The following PAN3 variants were observed in gnomAD, a reference collection of about 807,000 sequenced individuals.
PAN3 encodes poly(A) specific ribonuclease subunit PAN3.
Under a neutral mutation model 96.2 loss-of-function variants are expected in PAN3, and 19 were observed. The observed-to-expected ratio is 0.20, with a 90% CI of 0.14 to 0.29. The LOEUF is 0.29. Ranked by LOEUF, PAN3 falls within the 10% of genes least tolerant of loss-of-function variation. The pLI, the probability that PAN3 is intolerant of heterozygous loss-of-function variation, is 1.00. For missense variants in PAN3, 882 were observed against 1,108.1 expected (o/e 0.80, Z 2.90); for synonymous variants, 433 against 406.6 (o/e 1.06, Z -0.78).
chr13:28,176,113 T>A (rs1190827845), intron 2 of PAN3, among the ~76,000 whole-genome samples: 2 of 152,178 alleles, frequency 1.3e-5, no homozygotes, highest in Admixed American at 6.5e-5. Flanking sequence ...GTAGTACAAA[T>A]GGAGAAAGGG....
chr13:28,178,739 C>T (rs1054950471), intron 4 of PAN3, among the ~76,000 whole-genome samples: 1 of 151,982 alleles, frequency 6.6e-6, no homozygotes, highest in African/African-American at 2.4e-5. Flanking sequence ...AATATTTCAA[C>T]ATATCTCATT....
intron 4 of PAN3, among the ~76,000 whole-genome samples, chr13:28,178,190 TA>T (rs1875298011): frequency 6.6e-6 from 1 of 152,222 alleles, no homozygotes; most frequent in Non-Finnish European, 1.5e-5. Context: ...TATCTCAATG[TA>T]TTCTGTTCTT....
intron 7 of PAN3, among the ~76,000 whole-genome samples, chr13:28,259,865 C>G (rs1257814589): frequency 6.6e-6 from 1 of 151,880 alleles, no homozygotes; most frequent in Non-Finnish European, 1.5e-5. Flanking sequence ...CTCGAACTCC[C>G]AACCTCAGGT....
chr13:28,203,807 C>CT (rs767439908), intron 5 of PAN3, among the ~76,000 whole-genome samples: 1,434 of 139,804 alleles, frequency 0.01, 16 homozygotes, highest in African/African-American at 0.026. Flanking sequence ...TTTTTCTTTT[C>CT]TTTTTTTTTT....
At chr13:28,148,055 A>G (rs1870905079) in intron 1 of PAN3, among the ~76,000 whole-genome samples, 2 of 151,894 alleles carry the variant, frequency 1.3e-5, no homozygotes, top group Admixed American at 6.6e-5. Context: ...TGCTGGGCTC[A>G]AGCGATTCTT....
chr13:28,171,626 A>G (rs989580698), intron 1 of PAN3, among the ~76,000 whole-genome samples: 1 of 152,204 alleles, frequency 6.6e-6, no homozygotes, highest in Non-Finnish European at 1.5e-5. Context: ...GATACAGATG[A>G]ACAGTCAGAT....
intron 6 of PAN3, among the ~76,000 whole-genome samples, chr13:28,239,056 T>C (rs916416915): frequency 6.6e-6 from 1 of 152,018 alleles, no homozygotes; most frequent in Non-Finnish European, 1.5e-5. Flanking sequence ...TATGTAACAT[T>C]TCACTAGTTC....
At position 28,198,760 on chromosome 13, in the gene PAN3, A is replaced by G. The variant is rs80303902; in HGVS notation, c.852+1414A>G. Among the ~76,000 whole-genome samples the G allele has an allele frequency of 4.0e-3, 610 of 152,336 alleles. 7 individuals are homozygous for G. The highest frequency in any genetic ancestry group is 0.014 in the African/African-American group (582 of 41,582). On this transcript the variant is annotated intron_variant, in intron 5 of 18. Transcript: ENST00000380958. ...AGGCAAAGCCTATAATCCCACATGTACATACCACACACAGAAAAGATATAA... is the reference window on the plus strand; with the variant it reads ...AGGCAAAGCCTATAATCCCACATGTGCATACCACACACAGAAAAGATATAA...
intron 15 of PAN3, among the ~76,000 whole-genome samples, chr13:28,277,767 T>G (rs1010136784): frequency 6.6e-6 from 1 of 152,242 alleles, no homozygotes; most frequent in Non-Finnish European, 1.5e-5. Context: ...AATATTTCCC[T>G]CATCTTGGAG....
At position 28,270,614 on chromosome 13, in the gene PAN3, A is replaced by T. The variant is rs1015202816; in HGVS notation, c.1793-87A>T. The stretch of plus-strand genomic sequence containing the variant: ...ACATGTTGTGCCATGAGTGTACATG[A>T]ATTGTCTTTGCTAATTTTGATGTTA... On this transcript the variant is annotated intron_variant, in intron 12 of 18. Transcript: ENST00000380958. 1.8e-5 allele frequency: 25 copies of T among 1,366,944 alleles called. No homozygotes were observed. The African/African-American group carries it at 3.3e-4, about 18-fold the overall frequency. The allele number at this position is 1,366,944 out of a possible 1,614,324, so 84.7% of individuals were successfully genotyped here.
At position 28,266,697 on chromosome 13, in the gene PAN3, T is replaced by C. The variant is rs774513603; in HGVS notation, c.1412-18T>C. The C allele has an allele frequency of 6.6e-7, 1 of 1,524,752 alleles. No individual in the cohort carries two copies. The highest frequency in any genetic ancestry group is 2.3e-5 in the East Asian group (1 of 43,040). The allele number at this position is 1,524,752 out of a possible 1,614,324, so 94.5% of individuals were successfully genotyped here. On this transcript the variant is annotated intron_variant, in intron 9 of 18. Transcript: ENST00000380958. ...GAATGCCTGTATTTTCAAGTCATCT[T>C]CTTATGAATTACTCTAGCAGTTCCT...
intron 6 of PAN3, among the ~76,000 whole-genome samples, chr13:28,231,002 G>A (rs751846037): frequency 6.6e-6 from 1 of 152,134 alleles, no homozygotes; most frequent in Non-Finnish European, 1.5e-5. Context: ...TAGAGTCTAG[G>A]GAGATCCCAT....
intron 4 of PAN3, among the ~76,000 whole-genome samples, chr13:28,187,360 T>C (rs1023544156): frequency 1.3e-5 from 2 of 152,228 alleles, no homozygotes; most frequent in African/African-American, 2.4e-5. Context: ...ACTCAAAATA[T>C]TTTATTAACT....
At chr13:28,268,229 T>C (rs1886347106) in intron 12 of PAN3, among the ~76,000 whole-genome samples, 1 of 152,110 alleles carries the variant, frequency 6.6e-6, no homozygotes, top group African/African-American at 2.4e-5. Flanking sequence ...GTTTTTTGTT[T>C]TAACCTTTTA....
chr13:28,170,054 T>C (rs957403759), intron 1 of PAN3, among the ~76,000 whole-genome samples: 7 of 151,694 alleles, frequency 4.6e-5, no homozygotes, highest in African/African-American at 1.5e-4. Flanking sequence ...CTCAAAATAA[T>C]AATAATACAA....
chr13:28,245,194 C>T (rs1436526643), intron 6 of PAN3, among the ~76,000 whole-genome samples: 1 of 152,092 alleles, frequency 6.6e-6, no homozygotes, highest in Admixed American at 6.6e-5. Flanking sequence ...ATTGAGCTAG[C>T]ATCATAATTT....
At chr13:28,246,311 T>A (rs972235900) in intron 6 of PAN3, among the ~76,000 whole-genome samples, 4 of 152,210 alleles carry the variant, frequency 2.6e-5, no homozygotes, top group South Asian at 4.1e-4. Context: ...CTGTTTTTTT[T>A]AAATTGATAC....
At chr13:28,146,774 C>A (rs1042187242) in intron 1 of PAN3, among the ~76,000 whole-genome samples, 3 of 152,066 alleles carry the variant, frequency 2.0e-5, no homozygotes, top group African/African-American at 2.4e-5. Flanking sequence ...TCAAGAGATA[C>A]AGACCATCCT....
chr13:28,147,989 T>A (rs886660825), intron 1 of PAN3, among the ~76,000 whole-genome samples: 1 of 152,162 alleles, frequency 6.6e-6, no homozygotes, highest in Admixed American at 6.6e-5. Context: ...AAAGTCTTGC[T>A]CTGTTTCCCA....
Sources: gnomAD v4.1 joint callset for allele counts (sites outside exome capture counted in the v4.1 genomes callset) on GRCh38, gnomAD v4.1.1 for gene constraint, MANE v1.5 for transcripts, NCBI Gene and HGNC (gene_info 2026-07-23, HGNC 2026-07-21) for gene names.